STAG1: variants seen among roughly 807,000 people sequenced by gnomAD.
STAG1 encodes cohesin subunit SA-1.
Under a neutral mutation model 170.9 loss-of-function variants are expected in STAG1, and 26 were observed. The observed-to-expected ratio is 0.15, with a 90% confidence interval of 0.11 to 0.21. The LOEUF (loss-of-function observed/expected upper bound fraction) is 0.21. Among genes scored for constraint, STAG1 ranks in the 10% least tolerant of loss-of-function variants. The pLI, the probability that STAG1 is intolerant of heterozygous loss-of-function variation, is 1.00. For synonymous variants in STAG1, 514 were observed against 497.7 expected, an observed-to-expected ratio of 1.03 and a Z score of -0.44; for missense variants, 964 against 1,509.5, an observed-to-expected ratio of 0.64 and a Z score of 5.99.
At chr3:136,596,678 G>A (rs1938443065) in intron 4 of STAG1, among the ~76,000 whole-genome samples, 1 of 152,118 alleles carries the variant, frequency 6.6e-6, no homozygotes, top group African/African-American at 2.4e-5. Context: ...AGCATCATGT[G>A]TTATGCATCA....
intron 4 of STAG1, among the ~76,000 whole-genome samples, chr3:136,576,422 A>C (rs1402905309): frequency 1.3e-5 from 2 of 152,194 alleles, no homozygotes; most frequent in African/African-American, 4.8e-5. Flanking sequence ...TGAGCCATAG[A>C]TCCTCAATGA....
chr3:136,709,159 G>A (rs778178916), intron 1 of STAG1, among the ~76,000 whole-genome samples: 4 of 151,556 alleles, frequency 2.6e-5, no homozygotes, highest in East Asian at 1.9e-4. Flanking sequence ...ATGTGCTGGC[G>A]CATGCCTGTA....
chr3:136,612,860 T>C (rs1939374309), intron 3 of STAG1, among the ~76,000 whole-genome samples: 1 of 152,218 alleles, frequency 6.6e-6, no homozygotes. Flanking sequence ...AGCAGGTTTT[T>C]CTGTGTACTT....
intron 7 of STAG1, among the ~76,000 whole-genome samples, chr3:136,510,429 G>A (rs1012955429): frequency 1.3e-5 from 2 of 149,898 alleles, no homozygotes; most frequent in African/African-American, 4.9e-5. Flanking sequence ...GGCTGAAATT[G>A]CAGGCGCCCA....
In STAG1 at chr3:136,527,996, T is replaced by C. The variant is rs143892045; in HGVS notation, c.472-6579A>G. ...CGTATGATGTGTCAGTCTGCCCCTA[T>C]TTGGGGATGCCTCCCAGTTAGGCTA... On this transcript the variant is annotated intron_variant, in intron 6 of 33. Coordinates refer to ENST00000383202, the MANE Select transcript of STAG1 (RefSeq NM_005862.3). 2.0e-4 allele frequency among the ~76,000 whole-genome samples: 31 copies of C among 152,246 alleles called. 1 individual carries two copies. The East Asian group carries it at 5.6e-3, about 28-fold the overall frequency.
At chr3:136,674,403 A>G (rs1297790648) in intron 1 of STAG1, among the ~76,000 whole-genome samples, 1 of 152,224 alleles carries the variant, frequency 6.6e-6, no homozygotes, top group African/African-American at 2.4e-5. Flanking sequence ...ACAGAACAGT[A>G]CATATTGTAT....
chr3:136,509,586 G>A (rs1933946169), intron 7 of STAG1, among the ~76,000 whole-genome samples: 1 of 151,938 alleles, frequency 6.6e-6, no homozygotes, highest in African/African-American at 2.4e-5. Context: ...AAATCTAAGT[G>A]GGAAAAATAA....
chr3:136,603,328 T>C (rs1938767969), intron 4 of STAG1, among the ~76,000 whole-genome samples: 1 of 152,056 alleles, frequency 6.6e-6, no homozygotes, highest in Non-Finnish European at 1.5e-5. Flanking sequence ...AAAGGTGAAA[T>C]AGTACAATTT....
chr3:136,724,077 C>T (rs1933508252), intron 1 of STAG1, among the ~76,000 whole-genome samples: 2 of 151,604 alleles, frequency 1.3e-5, no homozygotes, highest in South Asian at 2.1e-4. Flanking sequence ...CCCCTCTGCC[C>T]GGCCACCACC....
Position 136,706,867 on chromosome 3 carries a change from T to C in STAG1, c.-84+45328A>G, listed in dbSNP as rs145137365. On this transcript the variant is annotated intron_variant, in intron 1 of 33. Coordinates refer to ENST00000383202, the MANE Select transcript of STAG1 (RefSeq NM_005862.3). ...TGGTATTCGCATAAGGACAGAAATA[T>C]AGACCAATGGAATAGAATGAGAGTT... is the stretch of plus-strand genomic sequence containing the variant. Among the ~76,000 whole-genome samples, 991 of 152,288 alleles carry C rather than the reference T, an allele frequency of 6.5e-3. 12 individuals carry two copies. The highest frequency in any genetic ancestry group is 0.023 in the African/African-American group (938 of 41,548).
chr3:136,423,250 C>T (rs977522290), intron 16 of STAG1, among the ~76,000 whole-genome samples: 1 of 152,234 alleles, frequency 6.6e-6, no homozygotes, highest in Non-Finnish European at 1.5e-5. Context: ...GGGCGAATTA[C>T]TATTTGTTTA....
chr3:136,466,382 C>T (rs1300229053), intron 12 of STAG1, among the ~76,000 whole-genome samples: 3 of 152,086 alleles, frequency 2.0e-5, no homozygotes, highest in Non-Finnish European at 1.5e-5. Flanking sequence ...CCAATTCGAT[C>T]AACTGGAAGA....
chr3:136,343,042 G>C (rs1204398551), intron 30 of STAG1, among the ~76,000 whole-genome samples: 1 of 152,190 alleles, frequency 6.6e-6, no homozygotes, highest in African/African-American at 2.4e-5. Flanking sequence ...TGAAAACCCA[G>C]GATTTGATAC....
At chr3:136,440,119 T>C (rs1037925753) in intron 15 of STAG1, among the ~76,000 whole-genome samples, 4 of 152,134 alleles carry the variant, frequency 2.6e-5, no homozygotes, top group African/African-American at 9.7e-5. Context: ...CCATCTTGTC[T>C]TGTCTTAATT....
At chr3:136,368,857 G>GT (rs1428733713) in intron 24 of STAG1, among the ~76,000 whole-genome samples, 1 of 151,914 alleles carries the variant, frequency 6.6e-6, no homozygotes, top group Non-Finnish European at 1.5e-5. Flanking sequence ...TTTAATTTAT[G>GT]TTTTTTCTGT....
intron 1 of STAG1, among the ~76,000 whole-genome samples, chr3:136,745,497 A>C (rs1280101246): frequency 6.6e-6 from 1 of 152,234 alleles, no homozygotes; most frequent in Non-Finnish European, 1.5e-5. Context: ...GTTCCACCTC[A>C]GATCATCATG....
At chr3:136,674,157 G>GGGAGGGAGGGAA (rs1942061311) in intron 1 of STAG1, among the ~76,000 whole-genome samples, 4 of 32,988 alleles carry the variant, frequency 1.2e-4, no homozygotes, top group African/African-American at 4.7e-4. Context: ...GAGGGAGAGA[G>GGGAGGGAGGGAA]GGAGGGAGGG....
At chr3:136,751,307 T>G (rs543481401) in intron 1 of STAG1, among the ~76,000 whole-genome samples, 1 of 151,942 alleles carries the variant, frequency 6.6e-6, no homozygotes, top group East Asian at 1.9e-4. Context: ...GGGGGTGACG[T>G]GACAATCCTA....
intron 6 of STAG1, among the ~76,000 whole-genome samples, chr3:136,537,395 G>A: frequency 6.6e-6 from 1 of 152,062 alleles, no homozygotes; most frequent in Non-Finnish European, 1.5e-5. Context: ...CAAAGGAGCT[G>A]ACAGTAGAAA....
Sources: allele counts gnomAD v4.1 joint callset (sites outside exome capture counted in the v4.1 genomes callset), GRCh38; gene constraint gnomAD v4.1.1; transcripts MANE v1.5; gene names NCBI Gene and HGNC (gene_info 2026-07-23, HGNC 2026-07-21).